Variants in YME1L1 observed in about 807,000 individuals in gnomAD.
YME1L1 encodes YME1 like 1 ATPase.
In YME1L1, 39 loss-of-function variants were observed where a neutral mutation model predicts 90.4. The ratio of observed to expected loss-of-function variants is 0.43; its 90% CI spans 0.33 to 0.56. The LOEUF is 0.56. Among genes scored for constraint, YME1L1 ranks in the 20% least tolerant of loss-of-function variants. YME1L1 has a pLI of 0.03. For missense variants in YME1L1, 617 were observed against 868.4 expected (o/e 0.71, Z 3.64); for synonymous variants, 284 against 287.3 (o/e 0.99, Z 0.12).
intron 6 of YME1L1, 150 bp downstream of exon 6, chr10:27,134,681 A>T: frequency 1.4e-6 from 1 of 738,358 alleles, no homozygotes. Flanking sequence ...AACCATCAGC[A>T]GTATCGCCAT....
intron 2 of YME1L1, 42 bp from the exon 3 acceptor site, chr10:27,145,632 A>C: frequency 6.5e-7 from 1 of 1,533,390 alleles, no homozygotes; most frequent in Non-Finnish European, 8.9e-7. Context: ...TAATATTATC[A>C]AGATATTTAA....
intron 1 of YME1L1, among the ~76,000 whole-genome samples, chr10:27,153,491 T>C (rs951798976): frequency 6.6e-6 from 1 of 152,278 alleles, no homozygotes; most frequent in Admixed American, 6.5e-5. Flanking sequence ...AAAAAGAGAC[T>C]GGAATGAAGC....
At chr10:27,127,508 C>T (rs1259476504) in intron 8 of YME1L1, among the ~76,000 whole-genome samples, 1 of 151,928 alleles carries the variant, frequency 6.6e-6, no homozygotes, top group Non-Finnish European at 1.5e-5. Flanking sequence ...GTAATTGCAC[C>T]GTGTTGTAGT....
At chr10:27,152,535 CT>C in intron 1 of YME1L1, among the ~76,000 whole-genome samples, 1 of 152,202 alleles carries the variant, frequency 6.6e-6, no homozygotes, top group South Asian at 2.1e-4. Context: ...ATGGTAAATT[CT>C]CCTAAAATCA....
intron 7 of YME1L1, 31 bp downstream of exon 7, chr10:27,134,008 A>G (rs754815060): frequency 2.1e-6 from 3 of 1,453,720 alleles, no homozygotes. Context: ...AGGAATAAGA[A>G]ATAAGTTAGA....
intron 1 of YME1L1, among the ~76,000 whole-genome samples, chr10:27,151,437 C>G (rs546482647): frequency 7.9e-5 from 12 of 152,330 alleles, no homozygotes; most frequent in African/African-American, 2.9e-4. Flanking sequence ...TGGACTAACG[C>G]CATTATTGTG....
chr10:27,116,815 C>T (rs190382765), intron 15 of YME1L1, among the ~76,000 whole-genome samples: 1 of 151,630 alleles, frequency 6.6e-6, no homozygotes, highest in Admixed American at 6.6e-5. Context: ...ATCACTTGAG[C>T]CCAGGAGTTT....
At chr10:27,136,199 A>G in intron 5 of YME1L1, 77 bp downstream of exon 5, 1 of 1,187,424 alleles carries the variant, frequency 8.4e-7, no homozygotes, top group Non-Finnish European at 1.2e-6. Flanking sequence ...AGCCAACAAA[A>G]GAAATCAGAT....
chr10:27,125,493 T>C (rs1013929066), intron 9 of YME1L1, among the ~76,000 whole-genome samples: 1 of 140,486 alleles, frequency 7.1e-6, no homozygotes, highest in Non-Finnish European at 1.5e-5. Context: ...AAAGCCTAAA[T>C]GTTACCTGTG....
intron 14 of YME1L1, 72 bp from the exon 15 acceptor site, chr10:27,117,799 T>C (rs2056828862): frequency 1.3e-6 from 2 of 1,509,404 alleles, no homozygotes; most frequent in Admixed American, 1.7e-5. Context: ...CATTCTTGTC[T>C]GCAAATCAAA....
intron 11 of YME1L1, among the ~76,000 whole-genome samples, chr10:27,121,731 T>G (rs1349026069): frequency 6.7e-6 from 1 of 149,948 alleles, no homozygotes; most frequent in Non-Finnish European, 1.5e-5. Flanking sequence ...CTCCCCAATT[T>G]CTAGGTACAA....
intron 18 of YME1L1, among the ~76,000 whole-genome samples, chr10:27,113,049 C>T (rs1195153849): frequency 6.6e-6 from 1 of 151,108 alleles, no homozygotes; most frequent in Non-Finnish European, 1.5e-5. Flanking sequence ...TAGTGAAATG[C>T]TCTCTACAAA....
chr10:27,154,279 G>A lies in YME1L1; in HGVS notation c.-69C>T, dbSNP rs538239037. ...GCCCCTCTGTCCACGGCCCGGCGGG[G>A]AGGCGCTGAGCCCTTCTTTTTTCCT... On this transcript the variant is annotated 5_prime_UTR_variant, in exon 1 of 19. Transcript: ENST00000376016. The A allele has an allele frequency of 1.3e-6, 2 of 1,541,776 alleles. No individual in the cohort carries two copies. Among genetic ancestry groups the A allele is most frequent in the Non-Finnish European group, 1.8e-6 (2 of 1,138,754 alleles).
chr10:27,136,699 CTTTATTTATTTATTTATTTATTTATTTA>C (rs149072823), intron 4 of YME1L1, among the ~76,000 whole-genome samples: 1 of 145,518 alleles, frequency 6.9e-6, no homozygotes, highest in South Asian at 2.2e-4. Context: ...TCAAAAGGAA[CTTTATTTATTTATTTATTTATTTATTTA>C]TTTATTTATT....
At position 27,119,442 on chromosome 10, in the gene YME1L1, A is replaced by T. The variant is rs778929382; in HGVS notation, c.1419T>A (p.Asp473Glu). 1 of 1,605,220 alleles carries T rather than the reference A, an allele frequency of 6.2e-7. No individual in the cohort carries two copies. Among genetic ancestry groups the T allele is most frequent in the South Asian group, 1.1e-5 (1 of 89,428 alleles). ...LNKIKFDQSV[D>E]PEIIARGTVG... The stretch of plus-strand genomic sequence containing the variant: ...CAGTACCTCGAGCTATAATTTCTGG[A>T]TCAACGGCTAATGTAAAAAGAGAAC... The change falls in exon 14 of 19, where the codon GAT becomes GAA. Residue 473 changes from aspartate to glutamate, a missense_variant. Physicochemically the swap from Asp to Glu is conservative, Grantham distance 45. Around this residue, in one of 4 missense-constraint regions of YME1L1, gnomAD observed 212 missense variants for 330.0 expected, o/e 0.64. Coordinates refer to ENST00000376016, the MANE Select transcript of YME1L1 (RefSeq NM_014263.4).
At chr10:27,124,858 G>A (rs1007255822) in intron 9 of YME1L1, among the ~76,000 whole-genome samples, 4 of 152,078 alleles carry the variant, frequency 2.6e-5, no homozygotes, top group African/African-American at 9.7e-5. Flanking sequence ...TTGAGATTGT[G>A]CTCTTTTTTA....
At chr10:27,152,817 G>A (rs564272691) in intron 1 of YME1L1, among the ~76,000 whole-genome samples, 50 of 151,820 alleles carry the variant, frequency 3.3e-4, no homozygotes, top group African/African-American at 1.1e-3. Flanking sequence ...TAATTGGGGG[G>A]TGGGTGGGTA....
intron 1 of YME1L1, among the ~76,000 whole-genome samples, chr10:27,150,272 G>C (rs2057197347): frequency 6.6e-6 from 1 of 152,024 alleles, no homozygotes; most frequent in Non-Finnish European, 1.5e-5. Context: ...TTATATACCA[G>C]GTTTAGTACT....
intron 13 of YME1L1, 49 bp from the exon 14 acceptor site, chr10:27,119,498 G>T (rs201442688): frequency 3.9e-6 from 6 of 1,555,422 alleles, no homozygotes; most frequent in Middle Eastern, 1.7e-4. Flanking sequence ...ACAGGTAAAA[G>T]AAAGCTCTTC....
Sources: allele counts gnomAD v4.1 joint callset (sites outside exome capture counted in the v4.1 genomes callset), GRCh38; gene constraint gnomAD v4.1.1; regional missense constraint gnomAD v4.1.1; transcripts MANE v1.5; gene names NCBI Gene and HGNC (gene_info 2026-07-23, HGNC 2026-07-21).